Variants in RIMS1 observed in about 807,000 individuals in gnomAD.
The protein encoded by RIMS1 is regulating synaptic membrane exocytosis protein 1.
RIMS1 carries 83 observed loss-of-function variants against 214.1 expected under a neutral mutation model. The observed-to-expected ratio is 0.39, with a 90% CI of 0.32 to 0.47. The LOEUF (loss-of-function observed/expected upper bound fraction) is 0.47, where lower values mean the gene tolerates loss of function less well. RIMS1 is among the 20% of genes least tolerant of loss of function. The probability of loss-of-function intolerance (pLI) is 0.99; values close to 1 mark genes in which losing one functional copy is unlikely to be tolerated. For missense variants in RIMS1, 2,050 were observed against 2,161.8 expected (o/e 0.95, Z 1.03); for synonymous variants, 793 against 786.8 (o/e 1.01, Z -0.13).
intron 2 of RIMS1, among the ~76,000 whole-genome samples, chr6:71,988,992 C>T (rs74337394): frequency 1.1e-3 from 165 of 152,254 alleles, no homozygotes; most frequent in African/African-American, 3.6e-3. Context: ...ATAAAAGGTA[C>T]GCTAGCTCTG....
chr6:72,186,053 A>T (rs1032417432), intron 6 of RIMS1, among the ~76,000 whole-genome samples: 6 of 152,268 alleles, frequency 3.9e-5, no homozygotes, highest in Admixed American at 2.6e-4. Context: ...TGATACATAT[A>T]ACATACAACA....
intron 30 of RIMS1, among the ~76,000 whole-genome samples, 180 bp from the exon 31 acceptor site, chr6:72,392,518 C>T (rs746851900): frequency 2.6e-5 from 4 of 152,058 alleles, no homozygotes; most frequent in Non-Finnish European, 5.9e-5. Flanking sequence ...CACCTTTCCT[C>T]AGTCAATGTT....
Position 72,182,724 on chromosome 6 carries a change from G to A in RIMS1, c.1253G>A (p.Arg418Lys). ...KAGKRAPAAA[R>K]ASPPDSPRAY... ...GGCAAACGCGCGCCGGCGGCAGCCA[G>A]GGCCTCGCCGCCGGACTCGCCGCGG... Residue 418 changes from arginine (R) to lysine (K), a missense_variant, in exon 6 of 34, where the codon AGG becomes AAG. By Grantham distance (26) the Arg-to-Lys change is conservative. Around this residue, in one of 6 missense-constraint regions of RIMS1, gnomAD observed 882 missense variants for 828.9 expected, o/e 1.06. Coordinates refer to ENST00000521978, the MANE Select transcript of RIMS1 (RefSeq NM_014989.7). 6.5e-7 allele frequency: 1 copy of A among 1,533,246 alleles called. No individual in the cohort carries two copies. Among genetic ancestry groups the A allele is most frequent in the Non-Finnish European group, 8.7e-7 (1 of 1,143,056 alleles). 95.0% of individuals were successfully genotyped at this position (1,533,246 alleles called of 1,614,324 possible).
chr6:72,182,820 C>A lies in RIMS1; in HGVS notation c.1349C>A (p.Pro450Gln), dbSNP rs1235421993. 1 of 1,549,998 alleles carries A rather than the reference C, an allele frequency of 6.5e-7. No homozygotes were observed. The highest frequency in any genetic ancestry group is 1.4e-5 in the African/African-American group (1 of 73,350). ...AAGCAGCTAACGAACCACAGCCCGC[C>A]GGCGCCCAGACATGGGCCGGTTCCC... ...GAKQLTNHSP[P>Q]APRHGPVPAE... The change falls in exon 6 of 34, where the codon CCG becomes CAG. Residue 450 changes from proline (P) to glutamine (Q), a missense_variant. Physicochemically the swap from Pro to Gln is moderately conservative, Grantham distance 76. Coordinates refer to ENST00000521978, the MANE Select transcript of RIMS1 (RefSeq NM_014989.7).
At chr6:72,073,770 A>C (rs1052820958) in intron 2 of RIMS1, among the ~76,000 whole-genome samples, 1 of 152,060 alleles carries the variant, frequency 6.6e-6, no homozygotes, top group African/African-American at 2.4e-5. Flanking sequence ...TATCTATGTA[A>C]TTACTTCTCT....
At chr6:72,216,263 A>G (rs187653619) in intron 6 of RIMS1, among the ~76,000 whole-genome samples, 59 of 149,462 alleles carry the variant, frequency 3.9e-4, no homozygotes, top group African/African-American at 1.1e-3. Context: ...TCTCAGTGAG[A>G]AAAAAAAAAT....
At chr6:72,282,429 C>T (rs73750474) in intron 23 of RIMS1, among the ~76,000 whole-genome samples, 1 of 151,922 alleles carries the variant, frequency 6.6e-6, no homozygotes, top group Admixed American at 6.6e-5. Context: ...ACCACAGAAG[C>T]AATAAAGTAA....
chr6:72,160,928 C>G (rs2045298508), intron 4 of RIMS1, among the ~76,000 whole-genome samples: 1 of 139,590 alleles, frequency 7.2e-6, no homozygotes. Context: ...CCCTCTTTTT[C>G]TATTGATTGG....
intron 1 of RIMS1, among the ~76,000 whole-genome samples, chr6:71,915,495 T>G (rs533257414): frequency 2.2e-4 from 33 of 152,274 alleles, no homozygotes; most frequent in Non-Finnish European, 4.1e-4. Context: ...TGAATCTTTT[T>G]CACTTGAGAA....
intron 4 of RIMS1, among the ~76,000 whole-genome samples, chr6:72,155,235 A>C (rs908152413): frequency 7.1e-6 from 1 of 139,936 alleles, no homozygotes; most frequent in Non-Finnish European, 1.6e-5. Context: ...TTTTTCTATC[A>C]CATTGTCAGG....
At chr6:72,159,077 A>C (rs1262745306) in intron 4 of RIMS1, among the ~76,000 whole-genome samples, 1 of 140,542 alleles carries the variant, frequency 7.1e-6, no homozygotes, top group Non-Finnish European at 1.6e-5. Context: ...CTGACTTTCT[A>C]ATGATCGCAA....
chr6:72,288,203 A>G (rs545958508), intron 24 of RIMS1, among the ~76,000 whole-genome samples: 12 of 152,272 alleles, frequency 7.9e-5, no homozygotes, highest in Admixed American at 6.5e-4. Context: ...TCTCCAGGTC[A>G]CTCTATGACC....
At chr6:71,913,158 G>A (rs966734055) in intron 1 of RIMS1, among the ~76,000 whole-genome samples, 1 of 152,038 alleles carries the variant, frequency 6.6e-6, no homozygotes, top group East Asian at 1.9e-4. Context: ...TTTATTAAAA[G>A]ATGTCTATTT....
At position 72,402,123 on chromosome 6, in the gene RIMS1, T is replaced by G. The variant is rs1354185506; in HGVS notation, c.*1409T>G. 1 of 152,398 alleles carries G rather than the reference T, an allele frequency of 6.6e-6. No individual in the cohort carries two copies. The highest frequency in any genetic ancestry group is 1.5e-5 in the Non-Finnish European group (1 of 68,014). 9.4% of individuals were successfully genotyped at this position (152,398 alleles called of 1,614,324 possible). A position where few individuals can be genotyped will look rare whatever the true frequency, so the allele number is the denominator to read the frequency against. ...GATTACACAAATAGAGCAGCATGAC[T>G]TGGAACTGTTCAGAGCTGCATGCAC... On this transcript the variant is annotated 3_prime_UTR_variant, in exon 34 of 34. Coordinates refer to ENST00000521978, the MANE Select transcript of RIMS1 (RefSeq NM_014989.7).
At chr6:72,077,355 C>G (rs917526211) in intron 2 of RIMS1, among the ~76,000 whole-genome samples, 8 of 152,194 alleles carry the variant, frequency 5.3e-5, no homozygotes, top group Admixed American at 3.9e-4. Context: ...TTTCTGTGAA[C>G]AAGGACTTAG....
chr6:72,062,695 A>G (rs1828200713), intron 2 of RIMS1, among the ~76,000 whole-genome samples: 1 of 152,164 alleles, frequency 6.6e-6, no homozygotes, highest in South Asian at 2.1e-4. Flanking sequence ...GTATTGCCGC[A>G]CAGTGCTGGA....
chr6:72,271,060 A>T lies in RIMS1; in HGVS notation c.3399-3289A>T, dbSNP rs185371072. Among the ~76,000 whole-genome samples the T allele has an allele frequency of 8.6e-5, 13 of 151,918 alleles. No homozygotes were observed. The East Asian group carries it at 2.5e-3, about 29-fold the overall frequency. ...AGGCGGGCAGATCACTAGGTCAGGA[A>T]TTTGAGACCAGCCTGACCAACATGG... On this transcript the variant is annotated intron_variant, in intron 22 of 33. Coordinates refer to ENST00000521978, the MANE Select transcript of RIMS1 (RefSeq NM_014989.7).
intron 2 of RIMS1, among the ~76,000 whole-genome samples, chr6:72,052,895 C>T (rs1299699694): frequency 6.6e-6 from 1 of 152,154 alleles, no homozygotes; most frequent in Non-Finnish European, 1.5e-5. Context: ...AGGTTGTATT[C>T]ACAAGCTGGT....
chr6:72,242,266 T>G (rs1212359058), intron 9 of RIMS1, 48 bp from the exon 10 acceptor site: 9 of 1,363,966 alleles, frequency 6.6e-6, no homozygotes, highest in Non-Finnish European at 7.0e-6. Context: ...ATACGAAAAA[T>G]AAACAGAATA....
Sources: allele counts gnomAD v4.1 joint callset (sites outside exome capture counted in the v4.1 genomes callset), GRCh38; gene constraint gnomAD v4.1.1; regional missense constraint gnomAD v4.1.1; transcripts MANE v1.5; gene names NCBI Gene and HGNC (gene_info 2026-07-23, HGNC 2026-07-21).